Variants in XRCC4 observed in about 807,000 individuals in gnomAD.
XRCC4 encodes the protein DNA repair protein XRCC4.
XRCC4 carries 28 observed loss-of-function variants against 39.1 expected under a neutral mutation model. That is an observed-to-expected ratio of 0.72 (90% CI 0.53 to 0.98). The LOEUF is 0.98. Ranked by LOEUF, XRCC4 falls within the 50% of genes least tolerant of loss-of-function variation. XRCC4 has a pLI of 0.00. For missense variants in XRCC4, 350 were observed against 376.4 expected (o/e 0.93, Z 0.58); for synonymous variants, 123 against 126.4 (o/e 0.97, Z 0.18).
At chr5:83,204,446 T>A (rs1397587085) in intron 5 of XRCC4, among the ~76,000 whole-genome samples, 2 of 152,018 alleles carry the variant, frequency 1.3e-5, no homozygotes, top group African/African-American at 4.8e-5. Context: ...CATCTTAGGG[T>A]TTTGCAGAGA....
intron 4 of XRCC4, among the ~76,000 whole-genome samples, chr5:83,200,320 A>G (rs930017646): frequency 3.3e-5 from 5 of 152,136 alleles, no homozygotes; most frequent in Non-Finnish European, 5.9e-5. Flanking sequence ...TTTTCTAGGA[A>G]GTGTTGTCCA....
At chr5:83,162,464 A>G (rs1362285276) in intron 3 of XRCC4, among the ~76,000 whole-genome samples, 1 of 152,142 alleles carries the variant, frequency 6.6e-6, no homozygotes, top group Admixed American at 6.5e-5. Flanking sequence ...TTTGAATTCA[A>G]TGTGTAATAA....
chr5:83,355,579 G>T (rs567599348), downstream of XRCC4, among the ~76,000 whole-genome samples: 1 of 152,166 alleles, frequency 6.6e-6, no homozygotes, highest in Non-Finnish European at 1.5e-5. Context: ...TATTCAGAAA[G>T]CTCAAGTACT....
chr5:83,312,350 G>T (rs938696729), intron 7 of XRCC4, among the ~76,000 whole-genome samples: 1 of 152,138 alleles, frequency 6.6e-6, no homozygotes, highest in Non-Finnish European at 1.5e-5. Flanking sequence ...TTTACACAAA[G>T]AGTTTGAGGT....
chr5:83,313,182 T>C (rs1192273183), intron 7 of XRCC4, among the ~76,000 whole-genome samples: 1 of 151,988 alleles, frequency 6.6e-6, no homozygotes, highest in Non-Finnish European at 1.5e-5. Context: ...GCTTTTCTTA[T>C]ATTCCACCCT....
At chr5:83,368,982 T>C in the XRCC4 span, among the ~76,000 whole-genome samples, 1 of 152,164 alleles carries the variant, frequency 6.6e-6, no homozygotes, top group Admixed American at 6.5e-5. Context: ...AATTCTTTTA[T>C]TTTTGTCTCT....
At chr5:83,171,862 C>G (rs1376265495) in intron 3 of XRCC4, among the ~76,000 whole-genome samples, 1 of 152,168 alleles carries the variant, frequency 6.6e-6, no homozygotes, top group Non-Finnish European at 1.5e-5. Context: ...TGCATTCATG[C>G]TAAGCCTCTA....
At chr5:83,197,230 A>T (rs1195265610) in intron 4 of XRCC4, among the ~76,000 whole-genome samples, 7 of 152,140 alleles carry the variant, frequency 4.6e-5, no homozygotes, top group African/African-American at 1.7e-4. Flanking sequence ...AGATGATTTC[A>T]ATGTGATAGT....
chr5:83,237,106 T>A (rs529857271), intron 6 of XRCC4, among the ~76,000 whole-genome samples: 1 of 152,136 alleles, frequency 6.6e-6, no homozygotes, highest in East Asian at 1.9e-4. Flanking sequence ...TGTGTAATCT[T>A]GGTGGGAATG....
At position 83,216,609 on chromosome 5, in the gene XRCC4, T is replaced by C. The variant is rs142917310; in HGVS notation, c.745+11688T>C. On this transcript the variant is annotated intron_variant, in intron 6 of 7. Coordinates refer to ENST00000396027, the MANE Select transcript of XRCC4 (RefSeq NM_003401.5). The stretch of plus-strand genomic sequence containing the variant: ...CGTTAAATAAAATGTGGTCTATCCA[T>C]ACAATAAAGTATTATTTGGCAATAT... Among the ~76,000 whole-genome samples, 6 of 152,290 alleles carry C rather than the reference T, an allele frequency of 3.9e-5. No individual in the cohort carries two copies. The East Asian group carries it at 1.2e-3, about 29-fold the overall frequency.
intron 1 of XRCC4, among the ~76,000 whole-genome samples, chr5:83,103,025 T>TATATATATATATATAC (rs943955057): frequency 4.9e-5 from 7 of 142,656 alleles, no homozygotes; most frequent in African/African-American, 1.9e-4. Context: ...TATATATATA[T>TATATATATATATATAC]ATATATGTCA....
intron 7 of XRCC4, chr5:83,259,059 T>G (rs923635166): frequency 8.5e-5 from 16 of 187,374 alleles, no homozygotes; most frequent in Non-Finnish European, 1.4e-4. Flanking sequence ...CTTGGCATTT[T>G]TTTTCAAGTA....
chr5:83,214,836 C>CAA (rs796471835), intron 6 of XRCC4, among the ~76,000 whole-genome samples: 1 of 77,748 alleles, frequency 1.3e-5, no homozygotes, highest in Non-Finnish European at 2.6e-5. Context: ...GACTCCTTCT[C>CAA]AAAAAAAAAA....
intron 3 of XRCC4, among the ~76,000 whole-genome samples, chr5:83,147,794 CT>C (rs113614465): frequency 0.48 from 68,200 of 143,178 alleles, 16,360 homozygotes; most frequent in African/African-American, 0.61. Context: ...TATTTCTTTT[CT>C]TTTTTTTTTT....
At chr5:83,363,851 AT>A in the XRCC4 span, among the ~76,000 whole-genome samples, 5 of 152,210 alleles carry the variant, frequency 3.3e-5, no homozygotes, top group South Asian at 1.0e-3. Context: ...CTGCTCCTGT[AT>A]ACCTTGAAAG....
In XRCC4 at chr5:83,220,220, C is replaced by T. The variant is rs28360168; in HGVS notation, c.745+15299C>T. Among the ~76,000 whole-genome samples, 569 of 152,160 alleles carry T rather than the reference C, an allele frequency of 3.7e-3. 3 individuals carry two copies. The highest frequency in any genetic ancestry group is 0.017 in the East Asian group (86 of 5,164). Reference sequence around the variant, plus strand: ...ATCATTTATTTGTTTGTCCCAGGAACGTGAAGCTAGACGTGTTCATTGTCC... The same window carrying T: ...ATCATTTATTTGTTTGTCCCAGGAATGTGAAGCTAGACGTGTTCATTGTCC... On this transcript the variant is annotated intron_variant, in intron 6 of 7. Transcript: ENST00000396027.
chr5:83,310,232 GA>G (rs1755658667), intron 7 of XRCC4, among the ~76,000 whole-genome samples: 1 of 152,156 alleles, frequency 6.6e-6, no homozygotes, highest in African/African-American at 2.4e-5. Flanking sequence ...ATTAATGGGA[GA>G]GGACTGAAGC....
At chr5:83,215,923 A>C (rs1333190119) in intron 6 of XRCC4, among the ~76,000 whole-genome samples, 1 of 152,206 alleles carries the variant, frequency 6.6e-6, no homozygotes. Flanking sequence ...CAACTATAAT[A>C]TCAAAAGCAC....
chr5:83,141,958 A>T (rs1271644082), intron 3 of XRCC4, among the ~76,000 whole-genome samples: 1 of 152,104 alleles, frequency 6.6e-6, no homozygotes, highest in Non-Finnish European at 1.5e-5. Flanking sequence ...TATCTTTTAC[A>T]CCTACTGTCT....
Sources: allele counts gnomAD v4.1 joint callset (sites outside exome capture counted in the v4.1 genomes callset), GRCh38; gene constraint gnomAD v4.1.1; transcripts MANE v1.5; gene names NCBI Gene and HGNC (gene_info 2026-07-23, HGNC 2026-07-21).